TNKS: variants seen among roughly 807,000 people sequenced by gnomAD.
TNKS encodes the protein poly [ADP-ribose] polymerase tankyrase-1.
A neutral mutation model predicts 135.8 loss-of-function variants in TNKS; 72 were observed. That is an observed-to-expected ratio of 0.53 (90% CI 0.44 to 0.64). The LOEUF (loss-of-function observed/expected upper bound fraction) is 0.64, where lower values mean the gene tolerates loss of function less well. Among genes scored for constraint, TNKS ranks in the 30% least tolerant of loss-of-function variants. The pLI, the probability that TNKS is intolerant of heterozygous loss-of-function variation, is 0.00. For synonymous variants in TNKS, 849 were observed against 649.3 expected, an observed-to-expected ratio of 1.31 and a Z score of -4.68; for missense variants, 1,769 against 1,674.0, an observed-to-expected ratio of 1.06 and a Z score of -0.99.
At chr8:9,751,541 A>G (rs1383042501) in intron 18 of TNKS, 68 bp from the exon 19 acceptor site, 6 of 1,409,446 alleles carry the variant, frequency 4.3e-6, no homozygotes, top group Non-Finnish European at 4.9e-6. Context: ...GTATTTGGTT[A>G]TCAGTGAAAA....
intron 3 of TNKS, among the ~76,000 whole-genome samples, chr8:9,659,833 C>T (rs1336739672): frequency 6.6e-6 from 1 of 152,078 alleles, no homozygotes. Context: ...AATTGATAAA[C>T]CGCTAGCGAG....
intron 3 of TNKS, chr8:9,658,503 G>T: frequency 1.8e-6 from 1 of 549,196 alleles, no homozygotes; most frequent in Non-Finnish European, 3.0e-6. Context: ...AAGTGAAGGA[G>T]AAATAAAATC....
At chr8:9,604,025 C>T (rs371079099) in intron 2 of TNKS, among the ~76,000 whole-genome samples, 1 of 151,896 alleles carries the variant, frequency 6.6e-6, no homozygotes, top group Non-Finnish European at 1.5e-5. Flanking sequence ...AAGTAAAATT[C>T]TTTAAAAATG....
At chr8:9,652,203 T>C (rs1389506227) in intron 3 of TNKS, among the ~76,000 whole-genome samples, 1 of 152,192 alleles carries the variant, frequency 6.6e-6, no homozygotes, top group African/African-American at 2.4e-5. Flanking sequence ...CAGGAACTTA[T>C]TACCAATATT....
chr8:9,713,065 T>G (rs1804418336), intron 11 of TNKS, among the ~76,000 whole-genome samples: 1 of 152,214 alleles, frequency 6.6e-6, no homozygotes. Context: ...CTGGAGGGTG[T>G]GTGATTTAAA....
At chr8:9,575,670 A>C (rs1245626828) in intron 1 of TNKS, among the ~76,000 whole-genome samples, 2 of 152,204 alleles carry the variant, frequency 1.3e-5, no homozygotes, top group African/African-American at 4.8e-5. Context: ...CAGAATATGT[A>C]AAGAACGCCT....
At chr8:9,665,791 T>C (rs891783449) in intron 3 of TNKS, among the ~76,000 whole-genome samples, 5 of 152,136 alleles carry the variant, frequency 3.3e-5, no homozygotes, top group Non-Finnish European at 7.4e-5. Flanking sequence ...CCCATTATTA[T>C]TGCATGCACC....
intron 3 of TNKS, among the ~76,000 whole-genome samples, chr8:9,619,158 T>C (rs945108930): frequency 6.6e-6 from 1 of 152,218 alleles, no homozygotes; most frequent in African/African-American, 2.4e-5. Flanking sequence ...TAGATACCTC[T>C]GTTCTTGACT....
chr8:9,639,801 CTTCT>C (rs1490062409), intron 3 of TNKS, among the ~76,000 whole-genome samples: 6 of 152,190 alleles, frequency 3.9e-5, no homozygotes, highest in Admixed American at 2.0e-4. Flanking sequence ...AGCAAAAGGG[CTTCT>C]TTGAGTATTT....
In TNKS at chr8:9,776,781, T is replaced by C; in HGVS notation, c.*45T>C. On this transcript the variant is annotated 3_prime_UTR_variant, in exon 27 of 27. Coordinates refer to ENST00000310430, the MANE Select transcript of TNKS (RefSeq NM_003747.3). ...GCCAGATCAGATTTCAACCTGGGACTGGATTACAGAGGATTGTTTCTAATA... is the reference window on the plus strand; with the variant it reads ...GCCAGATCAGATTTCAACCTGGGACCGGATTACAGAGGATTGTTTCTAATA... 6.4e-7 allele frequency: 1 copy of C among 1,555,496 alleles called. No individual in the cohort carries two copies. The highest frequency in any genetic ancestry group is 1.4e-5 in the African/African-American group (1 of 73,748).
At chr8:9,664,152 G>C (rs1801873650) in intron 3 of TNKS, among the ~76,000 whole-genome samples, 1 of 152,140 alleles carries the variant, frequency 6.6e-6, no homozygotes, top group African/African-American at 2.4e-5. Context: ...AGGTTTATTT[G>C]GCTCACAGTT....
At position 9,630,794 on chromosome 8, in the gene TNKS, C is replaced by A. The variant is rs139897607; in HGVS notation, c.994+15117C>A. ...GAATCATCGTAAATGAATGAAATAA[C>A]ATATCAAGAAAGAGATTCTAAAACT... On this transcript the variant is annotated intron_variant, in intron 3 of 26. Coordinates refer to ENST00000310430, the MANE Select transcript of TNKS (RefSeq NM_003747.3). 3.0e-3 allele frequency among the ~76,000 whole-genome samples: 450 copies of A among 152,274 alleles called. 10 individuals carry two copies. Among genetic ancestry groups the A allele is most frequent in the Admixed American group, 0.026 (402 of 15,306 alleles).
At position 9,763,256 on chromosome 8, in the gene TNKS, C is replaced by T; in HGVS notation, c.3372+12C>T. 1.3e-6 allele frequency: 2 copies of T among 1,521,386 alleles called. No individual in the cohort carries two copies. Among genetic ancestry groups the T allele is most frequent in the Non-Finnish European group, 1.8e-6 (2 of 1,112,378 alleles). 94.2% of individuals were successfully genotyped at this position (1,521,386 alleles called of 1,614,324 possible). ...CAGTGGAAGAAGAGGTAATATACATCAGAAATCTTTCATTTGCTTTTCTTG... is the reference window on the plus strand; with the variant it reads ...CAGTGGAAGAAGAGGTAATATACATTAGAAATCTTTCATTTGCTTTTCTTG... On this transcript the variant is annotated intron_variant, in intron 22 of 26. Transcript: ENST00000310430.
chr8:9,665,034 C>T (rs1449224872), intron 3 of TNKS, among the ~76,000 whole-genome samples: 2 of 152,128 alleles, frequency 1.3e-5, no homozygotes, highest in Non-Finnish European at 2.9e-5. Context: ...CTTTTGAGAG[C>T]CCTCTCTGAA....
At position 9,734,903 on chromosome 8, in the gene TNKS, T is replaced by C. The variant is rs776361686; in HGVS notation, c.2352T>C (p.Asn784=). The change falls in exon 16 of 27, where the codon AAT becomes AAC. Residue 784 remains asparagine, a synonymous_variant. Coordinates refer to ENST00000310430, the MANE Select transcript of TNKS (RefSeq NM_003747.3). ...CAACTAAAAAGAACAGAGATGGAAA[T>C]ACACCTTTGGATTTGGTAAAGGAAG... ...ADPTKKNRDG[N]TPLDLVKEGD... The C allele has an allele frequency of 6.2e-7, 1 of 1,614,084 alleles. No homozygotes were observed.
chr8:9,560,495 T>C (rs1229059361), intron 1 of TNKS, among the ~76,000 whole-genome samples: 25 of 69,908 alleles, frequency 3.6e-4, no homozygotes, highest in African/African-American at 1.1e-3. Context: ...ATACTTGTCT[T>C]TTTTTTTTTT....
chr8:9,565,270 G>GTTAT (rs143622761), intron 1 of TNKS, among the ~76,000 whole-genome samples: 8 of 152,028 alleles, frequency 5.3e-5, no homozygotes, highest in South Asian at 2.1e-4. Flanking sequence ...ATTTAGACAA[G>GTTAT]TTATTTATTT....
intron 3 of TNKS, among the ~76,000 whole-genome samples, chr8:9,665,157 A>C (rs1329541450): frequency 6.6e-6 from 1 of 152,174 alleles, no homozygotes; most frequent in African/African-American, 2.4e-5. Context: ...CTGTTGACGT[A>C]AGTTTCCATT....
chr8:9,716,812 T>C (rs966488955), intron 11 of TNKS, among the ~76,000 whole-genome samples: 47 of 151,910 alleles, frequency 3.1e-4, no homozygotes, highest in African/African-American at 1.1e-3. Context: ...ATTATTTCTC[T>C]ATGGCCTAAA....
Sources: allele counts gnomAD v4.1 joint callset (sites outside exome capture counted in the v4.1 genomes callset), GRCh38; gene constraint gnomAD v4.1.1; transcripts MANE v1.5; gene names NCBI Gene and HGNC (gene_info 2026-07-23, HGNC 2026-07-21).